Variants in LARGE1 observed in about 807,000 individuals in gnomAD.
The protein encoded by LARGE1 is xylosyl- and glucuronyltransferase LARGE1.
In LARGE1, 43 loss-of-function variants were observed where a neutral mutation model predicts 87.6. The ratio of observed to expected loss-of-function variants is 0.49; its 90% confidence interval spans 0.38 to 0.63. LARGE1 has a LOEUF of 0.63. Ranked by LOEUF, LARGE1 falls within the 30% of genes least tolerant of loss-of-function variation. The pLI, the probability that LARGE1 is intolerant of heterozygous loss-of-function variation, is 0.00. For missense variants in LARGE1, 802 were observed against 1,000.2 expected (o/e 0.80, Z 2.67); for synonymous variants, 434 against 394.6 (o/e 1.10, Z -1.18).
intron 14 of LARGE1, among the ~76,000 whole-genome samples, chr22:33,276,220 GAA>G (rs397840244): frequency 7.5e-5 from 9 of 120,714 alleles, no homozygotes; most frequent in African/African-American, 2.3e-4. Flanking sequence ...GAAAAGAAAA[GAA>G]AAAAAAAAAA....
intron 5 of LARGE1, among the ~76,000 whole-genome samples, chr22:33,581,521 A>T (rs1331152322): frequency 2.6e-5 from 4 of 151,396 alleles, no homozygotes; most frequent in Non-Finnish European, 4.4e-5. Context: ...GTTAGAAGAC[A>T]GAGAGAATCT....
At chr22:33,819,968 G>A (rs2086770904) in intron 1 of LARGE1, among the ~76,000 whole-genome samples, 1 of 152,158 alleles carries the variant, frequency 6.6e-6, no homozygotes, top group Non-Finnish European at 1.5e-5. Flanking sequence ...CCCTCTGCTG[G>A]CTGGACATCA....
At chr22:33,685,990 C>G (rs1049838568) in intron 2 of LARGE1, among the ~76,000 whole-genome samples, 2 of 152,150 alleles carry the variant, frequency 1.3e-5, no homozygotes, top group Admixed American at 1.3e-4. Flanking sequence ...AGGATAAGTG[C>G]TCAAAAGATG....
rs558823351 is a variant in LARGE1, at chr22:33,367,304, A to G, written c.1131+14615T>C. On this transcript the variant is annotated intron_variant, in intron 9 of 14. Transcript: ENST00000397394. Reference sequence around the variant, plus strand: ...GGTGAGTTCACTTTCTTTTTTCTTGATGAGTCTCGCCATAGGTTTGTCTAT... The same window carrying G: ...GGTGAGTTCACTTTCTTTTTTCTTGGTGAGTCTCGCCATAGGTTTGTCTAT... Among the ~76,000 whole-genome samples the G allele has an allele frequency of 5.3e-5, 8 of 152,182 alleles. No homozygotes were observed. In the East Asian group the frequency reaches 1.4e-3, roughly 26 times the overall value.
intron 6 of LARGE1, among the ~76,000 whole-genome samples, chr22:33,548,866 G>A (rs1026481322): frequency 1.3e-5 from 2 of 152,178 alleles, no homozygotes; most frequent in Non-Finnish European, 2.9e-5. Flanking sequence ...AAGAATTTGT[G>A]CTACCATGGG....
chr22:33,457,374 A>C (rs1159546972), intron 6 of LARGE1, among the ~76,000 whole-genome samples: 5 of 141,840 alleles, frequency 3.5e-5, no homozygotes, highest in Non-Finnish European at 6.0e-5. Flanking sequence ...CTGGTCTCGA[A>C]CTCCTGACCT....
intron 1 of LARGE1, among the ~76,000 whole-genome samples, chr22:33,800,944 C>T (rs2086141529): frequency 6.6e-6 from 1 of 152,146 alleles, no homozygotes; most frequent in South Asian, 2.1e-4. Context: ...GCTGTGTCCC[C>T]ACCCAAATCT....
At chr22:33,536,866 C>T (rs1160651068) in intron 6 of LARGE1, among the ~76,000 whole-genome samples, 2 of 152,178 alleles carry the variant, frequency 1.3e-5, no homozygotes, top group African/African-American at 2.4e-5. Flanking sequence ...GGCCGGAGTG[C>T]GATGGTGCAA....
chr22:33,150,316 T>G, the LARGE1 span, among the ~76,000 whole-genome samples: 1 of 151,986 alleles, frequency 6.6e-6, no homozygotes, highest in African/African-American at 2.4e-5. Context: ...GAGACTGATC[T>G]CCCATCTCCT....
chr22:33,391,755 TTCC>T (rs2065529559), intron 7 of LARGE1, among the ~76,000 whole-genome samples: 1 of 140,852 alleles, frequency 7.1e-6, no homozygotes, highest in African/African-American at 2.8e-5. Context: ...CACAGGTTAT[TTCC>T]TTTTTCCTTT....
chr22:33,437,180 AC>A (rs1411040555), intron 6 of LARGE1, among the ~76,000 whole-genome samples: 1 of 152,180 alleles, frequency 6.6e-6, no homozygotes, highest in Non-Finnish European at 1.5e-5. Flanking sequence ...AAGCTCCGTT[AC>A]TGCTTTAGTC....
intron 6 of LARGE1, among the ~76,000 whole-genome samples, chr22:33,439,176 T>G (rs1259977094): frequency 6.7e-6 from 1 of 148,816 alleles, no homozygotes; most frequent in Non-Finnish European, 1.5e-5. Flanking sequence ...ACTGCGCCAC[T>G]GCACTCCAGT....
chr22:33,309,170 C>CTTT (rs560481122), intron 11 of LARGE1, among the ~76,000 whole-genome samples: 1 of 140,346 alleles, frequency 7.1e-6, no homozygotes, highest in East Asian at 2.0e-4. Flanking sequence ...AGATTCGTGC[C>CTTT]TTTTTTTTTT....
chr22:33,761,698 A>G, intron 1 of LARGE1, 140 bp from the exon 2 acceptor site: 1 of 594,232 alleles, frequency 1.7e-6, no homozygotes. Context: ...CCAAGAGATG[A>G]TGCTGCCGTC....
chr22:33,218,539 C>T (rs1438072076), intron 11 of LARGE1, among the ~76,000 whole-genome samples: 2 of 152,084 alleles, frequency 1.3e-5, no homozygotes, highest in Non-Finnish European at 1.5e-5. Flanking sequence ...TCTCCTTTTT[C>T]GTGGTACTCA....
At chr22:33,457,023 C>A (rs552563454) in intron 6 of LARGE1, among the ~76,000 whole-genome samples, 1 of 152,278 alleles carries the variant, frequency 6.6e-6, no homozygotes, top group Non-Finnish European at 1.5e-5. Flanking sequence ...TCAACTTTTT[C>A]CCCTGCTAAG....
chr22:33,695,307 T>C (rs2082210673), intron 2 of LARGE1, among the ~76,000 whole-genome samples: 1 of 152,150 alleles, frequency 6.6e-6, no homozygotes, highest in Non-Finnish European at 1.5e-5. Context: ...TTTCACCATG[T>C]TGACCAGGCT....
chr22:33,535,271 C>T (rs1365454463), intron 6 of LARGE1, among the ~76,000 whole-genome samples: 43 of 152,156 alleles, frequency 2.8e-4, no homozygotes, highest in Admixed American at 2.6e-3. Flanking sequence ...AGGCCAGGCG[C>T]GGTGGCTCAT....
chr22:33,284,719 A>G (rs929914598), intron 12 of LARGE1, among the ~76,000 whole-genome samples: 1 of 152,142 alleles, frequency 6.6e-6, no homozygotes, highest in Non-Finnish European at 1.5e-5. Context: ...CTGGGACTAC[A>G]GGCACATGCT....
Sources: gnomAD v4.1 joint callset for allele counts (sites outside exome capture counted in the v4.1 genomes callset) on GRCh38, gnomAD v4.1.1 for gene constraint, MANE v1.5 for transcripts, NCBI Gene and HGNC (gene_info 2026-07-23, HGNC 2026-07-21) for gene names.